The following STRA8 variants were observed in gnomAD, a reference collection of about 807,000 sequenced individuals.
STRA8 encodes the protein stimulated by retinoic acid gene 8 protein homolog.
STRA8 carries 18 observed loss-of-function variants against 37.1 expected under a neutral mutation model. The observed-to-expected ratio is 0.48, with a 90% CI of 0.34 to 0.72. The LOEUF is 0.72. STRA8 is among the 30% of genes least tolerant of loss of function. The probability of loss-of-function intolerance (pLI) is 0.01; values close to 1 mark genes in which losing one functional copy is unlikely to be tolerated. For missense variants in STRA8, 357 were observed against 410.4 expected, an observed-to-expected ratio of 0.87 and a Z score of 1.13; for synonymous variants, 168 against 162.9, an observed-to-expected ratio of 1.03 and a Z score of -0.24.
chr7:135,255,068 T>A, intron 7 of STRA8, 46 bp from the exon 8 acceptor site: 1 of 1,476,586 alleles, frequency 6.8e-7, no homozygotes. Context: ...AGTTGAAAGA[T>A]CAGGATCCTG....
At chr7:135,231,963 C>G, upstream of STRA8, 5 of 1,613,340 alleles carry the variant, frequency 3.1e-6, no homozygotes, top group Non-Finnish European at 4.2e-6. Context: ...ATGGCAGAGC[C>G]TTCTGCCTTG....
chr7:135,236,288 G>A lies in STRA8; in HGVS notation c.-7+2385G>A, dbSNP rs535648666. On this transcript the variant is annotated intron_variant, in intron 1 of 8. Coordinates refer to ENST00000662584, the MANE Select transcript of STRA8 (RefSeq NM_001394401.1). ...TATATGTGTGTGTGTATGTGTGTGT[G>A]TGTGTGTGTGTGTGAACTAGAGAGA... Among the ~76,000 whole-genome samples, 321 of 151,838 alleles carry A rather than the reference G, an allele frequency of 2.1e-3. 1 individual carries two copies. The highest frequency in any genetic ancestry group is 7.0e-3 in the African/African-American group (290 of 41,422).
chr7:135,242,966 G>A (rs1263061218), intron 3 of STRA8, 110 bp downstream of exon 3: 10 of 1,178,372 alleles, frequency 8.5e-6, no homozygotes. Context: ...TATTTATTGA[G>A]GGCCTACTGT....
rs1203591322 is a variant in STRA8, at chr7:135,243,241, A to G, written c.269-85A>G. 10 of 1,438,650 alleles carry G rather than the reference A, an allele frequency of 7.0e-6. No individual in the cohort carries two copies. In the African/African-American group the frequency reaches 7.0e-5, roughly 10 times the overall value. 89.1% of individuals were successfully genotyped at this position (1,438,650 alleles called of 1,614,324 possible). A position where few individuals can be genotyped will look rare whatever the true frequency, so the allele number is the denominator to read the frequency against. ...CTGGAGGGTTCAGGGTCCCACCCAC[A>G]GCCCACCTGGGCCAGAAGGGTGGGA... On this transcript the variant is annotated intron_variant, in intron 3 of 8. Coordinates refer to ENST00000662584, the MANE Select transcript of STRA8 (RefSeq NM_001394401.1).
chr7:135,245,567 A>G (rs1832538863), intron 5 of STRA8, among the ~76,000 whole-genome samples, 40 bp downstream of exon 5: 2 of 152,050 alleles, frequency 1.3e-5, no homozygotes, highest in African/African-American at 4.8e-5. Flanking sequence ...GCACCCATGG[A>G]GCTCCCTCCC....
chr7:135,253,676 C>G (rs561614373), intron 7 of STRA8, among the ~76,000 whole-genome samples: 2 of 152,178 alleles, frequency 1.3e-5, no homozygotes, highest in Admixed American at 1.3e-4. Flanking sequence ...CTAACAATGT[C>G]CCAAAGGTGT....
chr7:135,240,789 G>A lies in STRA8; in HGVS notation c.192+73G>A, dbSNP rs2117793123. 8.4e-6 allele frequency: 13 copies of A among 1,555,356 alleles called. No homozygotes were observed. The South Asian group carries it at 1.4e-4, about 17-fold the overall frequency. ...ACGTTTTCACAGGTGGAGGGACTGTGTTGCAAGGCAGGGACTGGCCTGGAG... is the reference window on the plus strand; with the variant it reads ...ACGTTTTCACAGGTGGAGGGACTGTATTGCAAGGCAGGGACTGGCCTGGAG... On this transcript the variant is annotated intron_variant, in intron 2 of 8. Transcript: ENST00000662584.
intron 1 of STRA8, among the ~76,000 whole-genome samples, chr7:135,237,928 C>T (rs549425182): frequency 1.3e-5 from 2 of 151,882 alleles, no homozygotes; most frequent in Admixed American, 6.6e-5. Context: ...AGAGCTCAGT[C>T]TAACAAAGAT....
intron 2 of STRA8, 24 bp downstream of exon 2, chr7:135,240,740 G>C: frequency 1.2e-6 from 2 of 1,610,510 alleles, no homozygotes; most frequent in Non-Finnish European, 8.5e-7. Flanking sequence ...GAGGAGGAGA[G>C]GGGACATCTC....
chr7:135,244,609 A>T (rs149253743), intron 4 of STRA8, among the ~76,000 whole-genome samples: 90 of 152,320 alleles, frequency 5.9e-4, no homozygotes, highest in African/African-American at 2.1e-3. Context: ...TTAAAATTTC[A>T]ATTTCCAACT....
rs1341653636 is a variant in STRA8 at position 135,250,080 on chromosome 7, C to A, written c.880-1716C>A. ...AGTGACACCACTGCAGCCCCTGGTC[C>A]ACCTGGAGAGGTTCTGCTGCAGAAC... On this transcript the variant is annotated intron_variant, in intron 6 of 8. Transcript: ENST00000662584. Among the ~76,000 whole-genome samples the A allele has an allele frequency of 2.0e-5, 3 of 152,242 alleles. No individual in the cohort carries two copies. The East Asian group carries it at 5.8e-4, about 29-fold the overall frequency.
Position 135,258,582 on chromosome 7 carries a change from CCT to C in STRA8, c.*92_*93del. 9.8e-7 allele frequency: 1 copy of C among 1,017,986 alleles called. No homozygotes were observed. The allele number at this position is 1,017,986 out of a possible 1,614,324, so 63.1% of individuals were successfully genotyped here. ...GCAGCTAAGGTTGCACCTGCCTTGGCCTCCAGGACTCTTTGGAGTGGGTTGTT... is the reference window on the plus strand; with the variant it reads ...GCAGCTAAGGTTGCACCTGCCTTGGCCCAGGACTCTTTGGAGTGGGTTGTT... On this transcript the variant is annotated 3_prime_UTR_variant, in exon 9 of 9. Transcript: ENST00000662584.
Position 135,240,667 on chromosome 7 carries a change from A to C in STRA8, c.143A>C (p.Asn48Thr). Residue 48 changes from asparagine to threonine, a missense_variant, in exon 2 of 9, where the codon AAC becomes ACC. By Grantham distance (65) the Asn-to-Thr change is moderately conservative. Transcript: ENST00000662584. Reference protein sequence around the residue: ...RHRATLAALFNNLRKTVYSQS... With the variant: ...RHRATLAALFTNLRKTVYSQS... ...CGAGCCACCCTGGCAGCGCTCTTCA[A>C]CAACCTCAGGAAGACAGTGTACTCT... is the stretch of plus-strand genomic sequence containing the variant. 1 of 1,614,082 alleles carries C rather than the reference A, an allele frequency of 6.2e-7. No homozygotes were observed. The highest frequency in any genetic ancestry group is 8.5e-7 in the Non-Finnish European group (1 of 1,180,026).
chr7:135,247,912 C>T (rs1832588181), intron 6 of STRA8, among the ~76,000 whole-genome samples: 1 of 152,266 alleles, frequency 6.6e-6, no homozygotes, highest in Non-Finnish European at 1.5e-5. Context: ...CACGCTCGCT[C>T]CTCTAGCCCA....
chr7:135,258,325 C>A, intron 8 of STRA8, 93 bp from the exon 9 acceptor site: 1 of 1,015,690 alleles, frequency 9.8e-7, no homozygotes, highest in Non-Finnish European at 1.5e-6. Context: ...AGTCTGGGGG[C>A]TGGGCACACC....
chr7:135,238,099 CTAATTAAGAG>C, intron 1 of STRA8, among the ~76,000 whole-genome samples: 1 of 152,266 alleles, frequency 6.6e-6, no homozygotes, highest in African/African-American at 2.4e-5. Context: ...CGCTCAAGGT[CTAATTAAGAG>C]TAACATCTCC....
At chr7:135,239,272 A>C (rs1173925849) in intron 1 of STRA8, among the ~76,000 whole-genome samples, 2 of 152,232 alleles carry the variant, frequency 1.3e-5, no homozygotes, top group African/African-American at 4.8e-5. Context: ...GGTGGCTCTC[A>C]AAGTGTGAAA....
intron 6 of STRA8, among the ~76,000 whole-genome samples, chr7:135,251,592 TCC>T (rs1832634711): frequency 1.3e-5 from 2 of 152,172 alleles, no homozygotes; most frequent in African/African-American, 4.8e-5. Flanking sequence ...TGGCAGTTTG[TCC>T]TGGGCACTCT....
At chr7:135,255,325 C>A (rs1304418142) in intron 8 of STRA8, 100 bp downstream of exon 8, 2 of 825,102 alleles carry the variant, frequency 2.4e-6, no homozygotes, top group Admixed American at 2.3e-5. Context: ...CCCAATCATA[C>A]CATGAGGAGC....
Sources: allele counts gnomAD v4.1 joint callset (sites outside exome capture counted in the v4.1 genomes callset), GRCh38; gene constraint gnomAD v4.1.1; transcripts MANE v1.5; gene names NCBI Gene and HGNC (gene_info 2026-07-23, HGNC 2026-07-21).